EDIL3: variants seen among roughly 807,000 people sequenced by gnomAD.
The protein encoded by EDIL3 is EGF like and discoidin domains 3.
A neutral mutation model predicts 67.4 loss-of-function variants in EDIL3; 37 were observed. The observed-to-expected ratio is 0.55, with a 90% confidence interval of 0.42 to 0.72. The LOEUF is 0.72. EDIL3 is among the 30% of genes least tolerant of loss of function. The pLI is 0.00. For synonymous variants in EDIL3, 195 were observed against 196.3 expected, an observed-to-expected ratio of 0.99 and a Z score of 0.05; for missense variants, 527 against 586.3, an observed-to-expected ratio of 0.90 and a Z score of 1.04.
chr5:84,235,771 A>T (rs1170524403), intron 2 of EDIL3, among the ~76,000 whole-genome samples: 2 of 151,996 alleles, frequency 1.3e-5, no homozygotes, highest in Non-Finnish European at 2.9e-5. Context: ...ATGTTTCATC[A>T]TATAAATATA....
At chr5:84,152,635 T>A (rs181115845) in intron 4 of EDIL3, among the ~76,000 whole-genome samples, 105 of 152,318 alleles carry the variant, frequency 6.9e-4, no homozygotes, top group African/African-American at 2.5e-3. Flanking sequence ...GTTGTTTAAT[T>A]TGGCCCTTAG....
chr5:84,352,034 A>C (rs1265354101), intron 1 of EDIL3, among the ~76,000 whole-genome samples: 2 of 152,260 alleles, frequency 1.3e-5, no homozygotes, highest in East Asian at 1.9e-4. Flanking sequence ...TATATGAAAA[A>C]ATGCTCAATA....
intron 3 of EDIL3, among the ~76,000 whole-genome samples, chr5:84,209,349 C>T (rs1435159487): frequency 6.6e-6 from 1 of 151,870 alleles, no homozygotes; most frequent in Non-Finnish European, 1.5e-5. Flanking sequence ...ACATGGTGCA[C>T]ATGTACCCTA....
chr5:83,962,185 C>T (rs570997245), intron 10 of EDIL3, among the ~76,000 whole-genome samples: 1 of 151,470 alleles, frequency 6.6e-6, no homozygotes, highest in South Asian at 2.1e-4. Flanking sequence ...TAGTTTCAAC[C>T]CCTCTGTCAG....
intron 5 of EDIL3, among the ~76,000 whole-genome samples, chr5:84,122,136 C>G (rs949648491): frequency 2.6e-5 from 4 of 151,922 alleles, no homozygotes; most frequent in Non-Finnish European, 5.9e-5. Context: ...ATCTCCTCAT[C>G]CAATATCTTT....
chr5:84,032,111 T>A (rs1745935049), intron 9 of EDIL3, among the ~76,000 whole-genome samples: 1 of 152,188 alleles, frequency 6.6e-6, no homozygotes, highest in Admixed American at 6.5e-5. Flanking sequence ...TAAACACAAC[T>A]CTGTTTAATT....
rs16900847 is a variant in EDIL3 at position 84,033,252 on chromosome 5, T to A, written c.1137+27048A>T. 9.5e-3 allele frequency among the ~76,000 whole-genome samples: 1,440 copies of A among 152,342 alleles called. 31 individuals are homozygous for A. The highest frequency in any genetic ancestry group is 0.033 in the African/African-American group (1,368 of 41,582). ...AGTTTGGTCATTAATTTCAACTTGA[T>A]TATTTCCTGATCAAGAAAATAACTT... On this transcript the variant is annotated intron_variant, in intron 9 of 10. Transcript: ENST00000296591.
rs191195668 is a variant in EDIL3, at chr5:83,967,232, G to A, written c.1138-3872C>T. On this transcript the variant is annotated intron_variant, in intron 9 of 10. Transcript: ENST00000296591. Reference sequence around the variant, plus strand: ...GCTACTTGGGAGGTTGAGGTGGCAGGAGGGCTTGAGCCTGGGAGGTGGAGG... The same window carrying A: ...GCTACTTGGGAGGTTGAGGTGGCAGAAGGGCTTGAGCCTGGGAGGTGGAGG... 3.4e-3 allele frequency among the ~76,000 whole-genome samples: 524 copies of A among 152,164 alleles called. 3 individuals carry two copies. The highest frequency in any genetic ancestry group is 0.015 in the South Asian group (73 of 4,810).
intron 2 of EDIL3, among the ~76,000 whole-genome samples, chr5:84,248,157 T>C (rs1744946954): frequency 6.6e-6 from 1 of 152,188 alleles, no homozygotes; most frequent in African/African-American, 2.4e-5. Flanking sequence ...TTAATTTTTT[T>C]CTACAAATTC....
At chr5:84,064,576 A>T in intron 8 of EDIL3, 124 bp downstream of exon 8, 1 of 1,227,182 alleles carries the variant, frequency 8.1e-7, no homozygotes, top group Non-Finnish European at 1.1e-6. Flanking sequence ...ACCATGTTGT[A>T]GACATTTTTC....
intron 1 of EDIL3, among the ~76,000 whole-genome samples, chr5:84,308,833 T>G (rs1003168590): frequency 6.6e-6 from 1 of 152,184 alleles, no homozygotes; most frequent in Non-Finnish European, 1.5e-5. Context: ...ATGTTTCTTT[T>G]TACAGCAGTA....
At chr5:84,093,221 A>G (rs1420343969) in intron 6 of EDIL3, among the ~76,000 whole-genome samples, 3 of 150,578 alleles carry the variant, frequency 2.0e-5, no homozygotes, top group Non-Finnish European at 3.0e-5. Flanking sequence ...CTATTCTTCT[A>G]TTAGTCAATT....
intron 9 of EDIL3, among the ~76,000 whole-genome samples, chr5:84,025,756 C>T (rs1250774299): frequency 1.3e-5 from 2 of 151,950 alleles, no homozygotes; most frequent in African/African-American, 4.8e-5. Flanking sequence ...ATGTATTAGG[C>T]AAATATTTGG....
chr5:84,178,050 C>T (rs1180997446), intron 4 of EDIL3, among the ~76,000 whole-genome samples: 2 of 152,110 alleles, frequency 1.3e-5, no homozygotes, highest in East Asian at 1.9e-4. Context: ...GTACAACTCT[C>T]ATTTTTATTG....
chr5:84,050,055 G>A (rs898449385), intron 9 of EDIL3, among the ~76,000 whole-genome samples: 12 of 151,852 alleles, frequency 7.9e-5, no homozygotes, highest in East Asian at 1.9e-4. Flanking sequence ...AAAATTAGCC[G>A]GGCATGGTGG....
At chr5:84,199,621 T>G (rs577689506) in intron 3 of EDIL3, among the ~76,000 whole-genome samples, 35 of 152,170 alleles carry the variant, frequency 2.3e-4, no homozygotes, top group African/African-American at 8.4e-4. Context: ...ACTTTGTTTC[T>G]TTTACCCTGG....
intron 1 of EDIL3, among the ~76,000 whole-genome samples, chr5:84,338,525 T>C (rs529591051): frequency 1.3e-5 from 2 of 152,266 alleles, no homozygotes; most frequent in South Asian, 2.1e-4. Flanking sequence ...GAGTGTGCTT[T>C]TCTAATGATG....
intron 5 of EDIL3, among the ~76,000 whole-genome samples, chr5:84,135,952 A>T (rs958173540): frequency 6.6e-6 from 1 of 151,994 alleles, no homozygotes; most frequent in Admixed American, 6.6e-5. Flanking sequence ...CTTATATATC[A>T]TTCAACAATA....
chr5:83,944,104 G>C (rs996005802), intron 10 of EDIL3, among the ~76,000 whole-genome samples: 5 of 151,994 alleles, frequency 3.3e-5, no homozygotes, highest in Non-Finnish European at 5.9e-5. Flanking sequence ...TATGACTCCA[G>C]CCTAACAGCA....
Sources: allele counts gnomAD v4.1 joint callset (sites outside exome capture counted in the v4.1 genomes callset), GRCh38; gene constraint gnomAD v4.1.1; transcripts MANE v1.5; gene names NCBI Gene and HGNC (gene_info 2026-07-23, HGNC 2026-07-21).